Variants in GALNTL6 observed in about 807,000 individuals in gnomAD.
The protein encoded by GALNTL6 is polypeptide N-acetylgalactosaminyltransferase-like 6.
GALNTL6 carries 46 observed loss-of-function variants against 73.7 expected under a neutral mutation model. That is an observed-to-expected ratio of 0.62 (90% CI 0.49 to 0.80). The LOEUF is 0.80. Ranked by LOEUF, GALNTL6 falls within the 30% of genes least tolerant of loss-of-function variation. GALNTL6 has a pLI of 0.00. For synonymous variants in GALNTL6, 259 were observed against 263.7 expected (o/e 0.98, Z 0.17); for missense variants, 604 against 755.0 (o/e 0.80, Z 2.34).
intron 3 of GALNTL6, among the ~76,000 whole-genome samples, chr4:172,249,095 A>G (rs1452349143): frequency 6.6e-6 from 1 of 152,146 alleles, no homozygotes; most frequent in Non-Finnish European, 1.5e-5. Context: ...AGAGGACAGG[A>G]GAATGTGGGA....
intron 2 of GALNTL6, among the ~76,000 whole-genome samples, chr4:172,176,265 GC>G: frequency 7.3e-6 from 1 of 136,064 alleles, no homozygotes; most frequent in Non-Finnish European, 1.5e-5. Flanking sequence ...GCGTGAACCT[GC>G]GAGGCGGAGC....
chr4:171,940,700 T>C (rs908625088), intron 2 of GALNTL6, among the ~76,000 whole-genome samples: 8 of 151,944 alleles, frequency 5.3e-5, no homozygotes, highest in Non-Finnish European at 1.2e-4. Context: ...GGCATGCATC[T>C]ATAATCCAAG....
At chr4:171,972,120 G>T (rs409190) in intron 2 of GALNTL6, among the ~76,000 whole-genome samples, 61,652 of 151,918 alleles carry the variant, frequency 0.41, 13,044 homozygotes, top group Middle Eastern at 0.55. Flanking sequence ...ATATCCCGTT[G>T]TCCAAAGTTA....
At chr4:172,733,447 G>T (rs1050337404) in intron 5 of GALNTL6, among the ~76,000 whole-genome samples, 4 of 152,094 alleles carry the variant, frequency 2.6e-5, no homozygotes, top group Non-Finnish European at 5.9e-5. Flanking sequence ...GTCTTGAATT[G>T]TAGCTCCCAT....
intron 5 of GALNTL6, among the ~76,000 whole-genome samples, chr4:172,633,310 A>G (rs764013527): frequency 1.3e-5 from 2 of 152,206 alleles, no homozygotes; most frequent in African/African-American, 2.4e-5. Flanking sequence ...GCAGAGCTGC[A>G]CAAGACCATG....
At chr4:172,432,670 C>T (rs1731496617) in intron 5 of GALNTL6, among the ~76,000 whole-genome samples, 1 of 151,924 alleles carries the variant, frequency 6.6e-6, no homozygotes, top group Non-Finnish European at 1.5e-5. Flanking sequence ...AGGCTGTACA[C>T]TTTTAAAATG....
intron 2 of GALNTL6, among the ~76,000 whole-genome samples, chr4:171,870,492 A>C (rs1199632497): frequency 6.6e-6 from 1 of 152,182 alleles, no homozygotes; most frequent in Non-Finnish European, 1.5e-5. Context: ...TACCTCTCAC[A>C]ACTAAAACTA....
intron 7 of GALNTL6, among the ~76,000 whole-genome samples, chr4:172,874,832 A>G (rs1374139705): frequency 6.6e-6 from 1 of 152,154 alleles, no homozygotes; most frequent in East Asian, 1.9e-4. Flanking sequence ...TGTTTTGACA[A>G]AAGACTTTGT....
intron 5 of GALNTL6, among the ~76,000 whole-genome samples, chr4:172,723,560 A>G (rs1054372618): frequency 6.6e-6 from 1 of 152,106 alleles, no homozygotes; most frequent in African/African-American, 2.4e-5. Context: ...CTGTCCTAGC[A>G]CACTTTTTTT....
At chr4:171,903,447 A>AC (rs1737168931) in intron 2 of GALNTL6, among the ~76,000 whole-genome samples, 1 of 152,052 alleles carries the variant, frequency 6.6e-6, no homozygotes, top group African/African-American at 2.4e-5. Flanking sequence ...GGCTTAAAAA[A>AC]CGGCACACCA....
At chr4:171,940,006 TG>T (rs368822365) in intron 2 of GALNTL6, among the ~76,000 whole-genome samples, 26 of 152,288 alleles carry the variant, frequency 1.7e-4, no homozygotes, top group African/African-American at 6.3e-4. Flanking sequence ...GTCTTGGATT[TG>T]TTTTTTTTAA....
chr4:172,039,239 C>G (rs776816646), intron 2 of GALNTL6, among the ~76,000 whole-genome samples: 1 of 151,824 alleles, frequency 6.6e-6, no homozygotes, highest in African/African-American at 2.4e-5. Flanking sequence ...TGGTGTAAAC[C>G]GCAAACTTTT....
intron 2 of GALNTL6, among the ~76,000 whole-genome samples, chr4:171,926,731 C>T (rs1421807925): frequency 6.6e-6 from 1 of 152,094 alleles, no homozygotes; most frequent in East Asian, 1.9e-4. Flanking sequence ...ATTTAATGCA[C>T]TTCTTGTCCT....
intron 2 of GALNTL6, among the ~76,000 whole-genome samples, chr4:171,865,877 T>G (rs2110886454): frequency 6.6e-6 from 1 of 152,336 alleles, no homozygotes; most frequent in South Asian, 2.1e-4. Flanking sequence ...ATTCTGTCAA[T>G]ACATTTCATG....
chr4:172,470,456 A>G (rs1733004301), intron 5 of GALNTL6, among the ~76,000 whole-genome samples: 1 of 152,228 alleles, frequency 6.6e-6, no homozygotes, highest in Non-Finnish European at 1.5e-5. Context: ...TGAACATACC[A>G]TCAGCACAAT....
chr4:172,212,264 C>A (rs527669064), intron 2 of GALNTL6, among the ~76,000 whole-genome samples: 1 of 151,958 alleles, frequency 6.6e-6, no homozygotes, highest in African/African-American at 2.4e-5. Flanking sequence ...CAGGTTCAAG[C>A]GATTCCCCTG....
chr4:171,953,225 CGTGTGTGTGT>C lies in GALNTL6; in HGVS notation c.138+138538_138+138547del, dbSNP rs36214606. Among the ~76,000 whole-genome samples, 266 of 147,122 alleles carry C rather than the reference CGTGTGTGTGT, an allele frequency of 1.8e-3. 2 individuals carry two copies. The highest frequency in any genetic ancestry group is 4.3e-3 in the African/African-American group (173 of 39,942). ...AATTAAAATGGTGTGCGCATGCGCA[CGTGTGTGTGT>C]GTGTGTGTGTGTGTGTGTGTGTGTG... On this transcript the variant is annotated intron_variant, in intron 2 of 12. Transcript: ENST00000506823.
At chr4:172,428,169 A>C (rs775696655) in intron 5 of GALNTL6, among the ~76,000 whole-genome samples, 4 of 152,160 alleles carry the variant, frequency 2.6e-5, no homozygotes, top group Non-Finnish European at 5.9e-5. Flanking sequence ...CTACTTTTGA[A>C]ATATTAAAAT....
intron 5 of GALNTL6, among the ~76,000 whole-genome samples, chr4:172,354,719 G>A (rs1211305587): frequency 6.6e-6 from 1 of 152,142 alleles, no homozygotes; most frequent in Non-Finnish European, 1.5e-5. Flanking sequence ...TATGCTTGGA[G>A]TAGAATCTGT....
Sources: allele counts gnomAD v4.1 joint callset (sites outside exome capture counted in the v4.1 genomes callset), GRCh38; gene constraint gnomAD v4.1.1; transcripts MANE v1.5; gene names NCBI Gene and HGNC (gene_info 2026-07-23, HGNC 2026-07-21).